The following PIGN variants were observed in gnomAD, a reference collection of about 807,000 sequenced individuals.
The protein encoded by PIGN is GPI ethanolamine phosphate transferase 1.
A neutral mutation model predicts 125.4 loss-of-function variants in PIGN; 117 were observed. The ratio of observed to expected loss-of-function variants is 0.93; its 90% confidence interval spans 0.80 to 1.09. The LOEUF (loss-of-function observed/expected upper bound fraction) is 1.09, where lower values mean the gene tolerates loss of function less well. Among genes scored for constraint, PIGN ranks in the 50% least tolerant of loss-of-function variants. PIGN has a pLI of 0.00. For synonymous variants in PIGN, 392 were observed against 377.8 expected, an observed-to-expected ratio of 1.04 and a Z score of -0.44; for missense variants, 1,075 against 1,094.9, an observed-to-expected ratio of 0.98 and a Z score of 0.26.
intron 1 of PIGN, among the ~76,000 whole-genome samples, chr18:62,181,533 C>T (rs949446622): frequency 6.6e-6 from 1 of 152,168 alleles, no homozygotes; most frequent in Non-Finnish European, 1.5e-5. Flanking sequence ...ACCTCAGCTT[C>T]CCAAGTAGCG....
chr18:62,140,673 A>T (rs960380705), intron 11 of PIGN, among the ~76,000 whole-genome samples, 194 bp from the exon 12 acceptor site: 30 of 152,306 alleles, frequency 2.0e-4, no homozygotes, highest in African/African-American at 4.8e-4. Context: ...TATAAAAAAA[A>T]TTTTGAAAAG....
rs147163517 is a variant in PIGN, at chr18:62,111,341, C to T, written c.1435-1368G>A. On this transcript the variant is annotated intron_variant, in intron 16 of 30. Coordinates refer to ENST00000640252, the MANE Select transcript of PIGN (RefSeq NM_176787.5). ...TTAACCCAGAAGAACAGTACATCTTCCCAAATCTGCCTCTGTTTACATCAT... is the reference window on the plus strand; with the variant it reads ...TTAACCCAGAAGAACAGTACATCTTTCCAAATCTGCCTCTGTTTACATCAT... Among the ~76,000 whole-genome samples the T allele has an allele frequency of 6.0e-3, 907 of 152,198 alleles. 3 individuals are homozygous for T. Among genetic ancestry groups the T allele is most frequent in the South Asian group, 0.02 (95 of 4,816 alleles).
intron 11 of PIGN, among the ~76,000 whole-genome samples, chr18:62,142,219 A>T (rs948951247): frequency 6.6e-6 from 1 of 152,236 alleles, no homozygotes; most frequent in African/African-American, 2.4e-5. Flanking sequence ...ACTTAGCACA[A>T]AGTTGAAACA....
chr18:62,171,036 A>T (rs1216609696), intron 1 of PIGN, among the ~76,000 whole-genome samples: 2 of 152,206 alleles, frequency 1.3e-5, no homozygotes, highest in African/African-American at 2.4e-5. Flanking sequence ...TATCTATAAA[A>T]AAGCATGATG....
At chr18:62,104,338 T>C (rs1477346974) in intron 20 of PIGN, among the ~76,000 whole-genome samples, 3 of 152,126 alleles carry the variant, frequency 2.0e-5, no homozygotes, top group African/African-American at 7.2e-5. Flanking sequence ...TGCTCAACTA[T>C]GGCAATACTG....
In PIGN at chr18:62,105,302, G is replaced by T. The variant is rs115219773; in HGVS notation, c.1859+241C>A. On this transcript the variant is annotated intron_variant, in intron 20 of 30. Transcript: ENST00000640252. Reference sequence around the variant, plus strand: ...TAGACTTAAACAAAAAAAAATGGGCGGGATTTTAAGTTATCAGTGGCACAA... The same window carrying T: ...TAGACTTAAACAAAAAAAAATGGGCTGGATTTTAAGTTATCAGTGGCACAA... 763 of 281,770 alleles carry T rather than the reference G, an allele frequency of 2.7e-3. 6 individuals carry two copies. The highest frequency in any genetic ancestry group is 0.016 in the African/African-American group (726 of 45,458). The allele number at this position is 281,770 out of a possible 1,614,324, so 17.5% of individuals were successfully genotyped here.
chr18:62,102,720 A>G, intron 21 of PIGN, 74 bp downstream of exon 21: 1 of 671,126 alleles, frequency 1.5e-6, no homozygotes, highest in South Asian at 2.2e-5. Context: ...TTTTATGAAC[A>G]TAATTAAATA....
intron 1 of PIGN, among the ~76,000 whole-genome samples, chr18:62,180,094 AT>A (rs2037663449): frequency 1.3e-5 from 2 of 152,144 alleles, no homozygotes; most frequent in South Asian, 4.1e-4. Context: ...GATTTTTAGA[AT>A]TTTTACAAAC....
At chr18:62,173,816 C>T (rs2037420983) in intron 1 of PIGN, among the ~76,000 whole-genome samples, 1 of 152,170 alleles carries the variant, frequency 6.6e-6, no homozygotes, top group African/African-American at 2.4e-5. Context: ...GCCAATTCAA[C>T]CACCTAATTA....
At position 62,085,224 on chromosome 18, in the gene PIGN, A is replaced by T. The variant is rs199672087; in HGVS notation, c.2411T>A (p.Ile804Lys). The change falls in exon 26 of 31, where the codon ATA becomes AAA. Residue 804 changes from isoleucine (I) to lysine (K), a missense_variant. Ile to Lys is a moderately radical substitution (Grantham distance 102, BLOSUM62 -3). Transcript: ENST00000640252. ...LVTAFFGTGNIASINSFDLAS... is the reference protein window; with the variant it reads ...LVTAFFGTGNKASINSFDLAS... ...TTAAAATTACCTGTTAATAGAAGCT[A>T]TATTTCCAGTTCCAAAAAATGCTGT... The T allele has an allele frequency of 1.3e-4, 205 of 1,538,128 alleles. 1 individual carries two copies. The African/African-American group carries it at 2.6e-3, about 19-fold the overall frequency.
chr18:62,105,621 C>T lies in PIGN; in HGVS notation c.1781G>A (p.Ser594Asn). The change falls in exon 20 of 31, where the codon AGT becomes AAT. Residue 594 changes from serine to asparagine, a missense_variant. Coordinates refer to ENST00000640252, the MANE Select transcript of PIGN (RefSeq NM_176787.5). Reference sequence around the variant, plus strand: ...CAGGAGCAAAGAGAAGAAAGTCCAACTCAGTGAGGTCATCTAAAATCAAGA... The same window carrying T: ...CAGGAGCAAAGAGAAGAAAGTCCAATTCAGTGAGGTCATCTAAAATCAAGA... Reference protein sequence around the residue: ...LWTRAKMTSLSWTFFSLLLAV... With the variant: ...LWTRAKMTSLNWTFFSLLLAV... 6.5e-7 allele frequency: 1 copy of T among 1,546,468 alleles called. No homozygotes were observed. Among genetic ancestry groups the T allele is most frequent in the Non-Finnish European group, 8.7e-7 (1 of 1,144,516 alleles).
intron 21 of PIGN, among the ~76,000 whole-genome samples, chr18:62,102,241 C>CA (rs771054867): frequency 4.7e-5 from 7 of 148,532 alleles, no homozygotes; most frequent in Admixed American, 2.0e-4. Context: ...AAAACACATA[C>CA]AAAAAACAAA....
intron 30 of PIGN, among the ~76,000 whole-genome samples, chr18:62,058,467 G>A (rs62095270): frequency 0.17 from 25,929 of 152,108 alleles, 2,943 homozygotes; most frequent in Middle Eastern, 0.29. Flanking sequence ...ATGGAAAGAC[G>A]CAAACGTGAA....
chr18:62,035,425 A>G (rs1210863916), intron 23 of PIGN, among the ~76,000 whole-genome samples: 1 of 152,192 alleles, frequency 6.6e-6, no homozygotes, highest in Non-Finnish European at 1.5e-5. Context: ...TCAATATCAT[A>G]ATGTTTAAAT....
chr18:62,026,386 G>C (rs2030118692), intron 23 of PIGN, among the ~76,000 whole-genome samples: 1 of 151,954 alleles, frequency 6.6e-6, no homozygotes, highest in Non-Finnish European at 1.5e-5. Context: ...ATTCTAAAGA[G>C]TGACATACAT....
intron 21 of PIGN, 85 bp from the exon 22 acceptor site, chr18:62,101,268 G>A: frequency 1.3e-6 from 1 of 771,346 alleles, no homozygotes; most frequent in Non-Finnish European, 2.2e-6. Context: ...TCTTATTTCT[G>A]AGACATTAAA....
chr18:62,145,935 T>C lies in PIGN; in HGVS notation c.896A>G (p.Gln299Arg), dbSNP rs576797024. ...GIKYPQRVSA[Q>R]QFDDAFLKEW... The stretch of plus-strand genomic sequence containing the variant: ...TTTCAAAAATGCATCATCAAATTGC[T>C]GAGCTGATACTCTTTGGGGATACTT... The change falls in exon 10 of 31, where the codon CAG (glutamine) becomes CGG (arginine). Residue 299 changes from glutamine (Q) to arginine (R), a missense_variant. This residue lies in a region of PIGN where 915 missense variants were observed against 908.7 expected (regional missense o/e 1.01). Transcript: ENST00000640252. 1.9e-5 allele frequency: 31 copies of C among 1,595,808 alleles called. No homozygotes were observed. In the East Asian group the frequency reaches 6.5e-4, roughly 33 times the overall value.
At chr18:62,167,631 CAA>C (rs775800855) in intron 1 of PIGN, among the ~76,000 whole-genome samples, 1 of 79,058 alleles carries the variant, frequency 1.3e-5, no homozygotes, top group Non-Finnish European at 2.8e-5. Context: ...AACTCCGTCT[CAA>C]AAAAAAAAAA....
chr18:62,085,341 AT>A, intron 25 of PIGN, 77 bp from the exon 26 acceptor site: 2 of 947,032 alleles, frequency 2.1e-6, no homozygotes, highest in Non-Finnish European at 3.3e-6. Context: ...AGATATGCTA[AT>A]TTTACCTTGA....
Sources: gnomAD v4.1 joint callset for allele counts (sites outside exome capture counted in the v4.1 genomes callset) on GRCh38, gnomAD v4.1.1 for gene constraint, gnomAD v4.1.1 regional missense constraint, MANE v1.5 for transcripts, NCBI Gene and HGNC (gene_info 2026-07-23, HGNC 2026-07-21) for gene names.